PHYHD1: variants seen among roughly 807,000 people sequenced by gnomAD.
The protein encoded by PHYHD1 is phytanoyl-CoA dioxygenase domain containing 1, also known as phytanoyl-CoA dioxygenase domain-containing protein 1.
In PHYHD1, 42 loss-of-function variants were observed where a neutral mutation model predicts 43.6. That is an observed-to-expected ratio of 0.96 (90% CI 0.75 to 1.25). The LOEUF is 1.25. PHYHD1 is among the 50% of genes most tolerant of loss of function. The pLI, the probability that PHYHD1 is intolerant of heterozygous loss-of-function variation, is 0.00. For synonymous variants in PHYHD1, 139 were observed against 143.6 expected, an observed-to-expected ratio of 0.97 and a Z score of 0.23; for missense variants, 342 against 370.8, an observed-to-expected ratio of 0.92 and a Z score of 0.64.
intron 4 of PHYHD1, among the ~76,000 whole-genome samples, chr9:128,928,090 C>G (rs1841181910): frequency 6.6e-6 from 1 of 152,242 alleles, no homozygotes; most frequent in Non-Finnish European, 1.5e-5. Flanking sequence ...CTGGCACTCA[C>G]GCCGAGGAGC....
rs567364442 is a variant in PHYHD1 at position 128,938,712 on chromosome 9, C to T, written c.457+934C>T. 2.3e-5 allele frequency among the ~76,000 whole-genome samples: 3 copies of T among 132,064 alleles called. No individual in the cohort carries two copies. The East Asian group carries it at 6.1e-4, about 27-fold the overall frequency. 86.6% of individuals were successfully genotyped at this position (132,064 alleles called of 152,430 possible). On this transcript the variant is annotated intron_variant, in intron 9 of 12. Transcript: ENST00000372592. ...TGCTGGGATTACAGGGATGAGCCAC[C>T]GCGCCCGGCCCTGGAATCTGTATTT...
chr9:128,939,348 G>A lies in PHYHD1; in HGVS notation c.458-1021G>A, dbSNP rs187584917. Among the ~76,000 whole-genome samples, 152 of 127,812 alleles carry A rather than the reference G, an allele frequency of 1.2e-3. 25 individuals carry two copies. The East Asian group carries it at 0.016, about 14-fold the overall frequency. The allele number at this position is 127,812 out of a possible 152,430, so 83.8% of individuals were successfully genotyped here. A position where few individuals can be genotyped will look rare whatever the true frequency, so the allele number is the denominator to read the frequency against. On this transcript the variant is annotated intron_variant, in intron 9 of 12. Transcript: ENST00000372592. ...TAATCCCAGCACTTTGGGAGGCCGAGGGGGTAGATCACCTAAGGTCAGGAG... is the reference window on the plus strand; with the variant it reads ...TAATCCCAGCACTTTGGGAGGCCGAAGGGGTAGATCACCTAAGGTCAGGAG...
In PHYHD1 at chr9:128,940,416, C is replaced by T. The variant is rs369475413; in HGVS notation, c.505C>T (p.Arg169Trp). The change falls in exon 10 of 13, where the codon CGG becomes TGG. Residue 169 changes from arginine to tryptophan, a missense_variant. Coordinates refer to ENST00000372592, the MANE Select transcript of PHYHD1 (RefSeq NM_001100876.2). Reference protein sequence around the residue: ...ASFLYTEPLGRVLGVWIAVED... With the variant: ...ASFLYTEPLGWVLGVWIAVED... ...CTTCCTGTACACGGAGCCCCTGGGC[C>T]GGGTGCTGGGCGTGTGGATCGCAGT... is the stretch of plus-strand genomic sequence containing the variant. 81 of 1,614,054 alleles carry T rather than the reference C, an allele frequency of 5.0e-5. No homozygotes were observed. Among genetic ancestry groups the T allele is most frequent in the African/African-American group, 2.8e-4 (21 of 74,914 alleles).
At chr9:128,929,171 A>T (rs930787325) in intron 4 of PHYHD1, among the ~76,000 whole-genome samples, 25 of 152,182 alleles carry the variant, frequency 1.6e-4, no homozygotes, top group Admixed American at 8.5e-4. Flanking sequence ...CTACAAAAAA[A>T]TTTTTTTAAA....
intron 9 of PHYHD1, among the ~76,000 whole-genome samples, chr9:128,939,922 T>A (rs1841514994): frequency 6.6e-6 from 1 of 151,932 alleles, no homozygotes. Flanking sequence ...CCCAAAGTGC[T>A]GAGATTATAG....
In PHYHD1 at chr9:128,941,809, G is replaced by GACC; in HGVS notation, c.*96_*97insACC. The stretch of plus-strand genomic sequence containing the variant: ...TCAGCCTCCTGGTTGCAACAGGGAG[G>GACC]TCTTGTCTCCCCTCCTGGGCTTTCC... On this transcript the variant is annotated 3_prime_UTR_variant, in exon 13 of 13. Transcript: ENST00000372592. The GACC allele has an allele frequency of 6.5e-7, 1 of 1,541,766 alleles. No homozygotes were observed. Among genetic ancestry groups the GACC allele is most frequent in the Non-Finnish European group, 8.9e-7 (1 of 1,119,048 alleles).
rs1322774831 is a variant in PHYHD1, at chr9:128,939,836, G to C, written c.458-533G>C. 2.3e-5 allele frequency among the ~76,000 whole-genome samples: 3 copies of C among 133,244 alleles called. 1 individual carries two copies. The highest frequency in any genetic ancestry group is 1.7e-4 in the Admixed American group (2 of 12,056). The allele number at this position is 133,244 out of a possible 152,430, so 87.4% of individuals were successfully genotyped here. A position where few individuals can be genotyped will look rare whatever the true frequency, so the allele number is the denominator to read the frequency against. ...CACATGGCTAATTTTTGTGTTTTTAGTAGAGACAGGGTTTCACCATGTTGG... is the reference window on the plus strand; with the variant it reads ...CACATGGCTAATTTTTGTGTTTTTACTAGAGACAGGGTTTCACCATGTTGG... On this transcript the variant is annotated intron_variant, in intron 9 of 12. Transcript: ENST00000372592.
intron 6 of PHYHD1, among the ~76,000 whole-genome samples, chr9:128,934,716 C>T (rs578118373): frequency 1.7e-4 from 26 of 150,738 alleles, no homozygotes; most frequent in African/African-American, 3.7e-4. Context: ...TGCAGTGAGC[C>T]GATATCATGC....
chr9:128,927,332 G>A (rs986893559), intron 4 of PHYHD1, 136 bp downstream of exon 4: 10 of 998,366 alleles, frequency 1.0e-5, no homozygotes, highest in South Asian at 6.1e-5. Context: ...CCTTTCCCTC[G>A]CTCCTCACTG....
intron 6 of PHYHD1, 31 bp from the exon 7 acceptor site, chr9:128,936,417 A>C: frequency 6.3e-7 from 1 of 1,597,002 alleles, no homozygotes; most frequent in Non-Finnish European, 8.5e-7. Flanking sequence ...TGGGCCTGAG[A>C]TGGGGCCGAC....
At chr9:128,936,245 G>A (rs1318135692) in intron 6 of PHYHD1, among the ~76,000 whole-genome samples, 2 of 151,982 alleles carry the variant, frequency 1.3e-5, no homozygotes, top group African/African-American at 4.8e-5. Flanking sequence ...AGAAGGTCAA[G>A]AATAAGGGCA....
chr9:128,935,426 C>T (rs944365200), intron 6 of PHYHD1, among the ~76,000 whole-genome samples: 20 of 150,686 alleles, frequency 1.3e-4, no homozygotes, highest in Admixed American at 4.0e-4. Context: ...AGATCGAGAC[C>T]ATCCTGGCTA....
intron 3 of PHYHD1, among the ~76,000 whole-genome samples, chr9:128,924,626 A>AAAG (rs1362982482): frequency 2.0e-5 from 3 of 151,122 alleles, no homozygotes; most frequent in Admixed American, 6.6e-5. Context: ...AAAAAAAAAA[A>AAAG]AAGAAGAAGG....
chr9:128,934,582 A>C (rs1841379057), intron 6 of PHYHD1, among the ~76,000 whole-genome samples: 1 of 151,928 alleles, frequency 6.6e-6, no homozygotes, highest in African/African-American at 2.4e-5. Flanking sequence ...CAGCCTGACC[A>C]ATGTGGAGAA....
rs779787024 is a variant in PHYHD1, at chr9:128,940,464, G to A, written c.553G>A (p.Gly185Ser). The A allele has an allele frequency of 8.1e-6, 13 of 1,614,030 alleles. No homozygotes were observed. The highest frequency in any genetic ancestry group is 1.6e-4 in the Middle Eastern group (1 of 6,082). ...AGTGGAGGATGCCACGCTGGAGAAC[G>A]GCTGTCTCTGGTTCATCCCTGGCTC... Reference protein sequence around the residue: ...IAVEDATLENGCLWFIPGSHT... With the variant: ...IAVEDATLENSCLWFIPGSHT... The change falls in exon 10 of 13, where the codon GGC (glycine) becomes AGC (serine). Residue 185 changes from glycine (G) to serine (S), a missense_variant. Transcript: ENST00000372592.
intron 6 of PHYHD1, among the ~76,000 whole-genome samples, chr9:128,935,535 G>A (rs956034987): frequency 6.9e-6 from 1 of 144,334 alleles, no homozygotes; most frequent in Non-Finnish European, 1.5e-5. Context: ...CTCCAGCCTG[G>A]GCAACAGAGC....
At chr9:128,932,163 A>ATTTTTTTTTT (rs1564540363) in intron 4 of PHYHD1, among the ~76,000 whole-genome samples, 1 of 125,348 alleles carries the variant, frequency 8.0e-6, no homozygotes, top group African/African-American at 3.4e-5. Flanking sequence ...TATTATTATT[A>ATTTTTTTTTT]TTATTGTTAT....
chr9:128,923,693 C>T (rs1290355064), intron 3 of PHYHD1, among the ~76,000 whole-genome samples: 4 of 152,138 alleles, frequency 2.6e-5, no homozygotes, highest in Non-Finnish European at 5.9e-5. Context: ...GCGTAATCCT[C>T]CTAAAACAAT....
At chr9:128,932,166 A>ATTATT (rs1564540372) in intron 4 of PHYHD1, among the ~76,000 whole-genome samples, 118 of 122,656 alleles carry the variant, frequency 9.6e-4, no homozygotes, top group African/African-American at 3.8e-3. Context: ...TATTATTATT[A>ATTATT]TTGTTATTAT....
Sources: allele counts gnomAD v4.1 joint callset (sites outside exome capture counted in the v4.1 genomes callset), GRCh38; gene constraint gnomAD v4.1.1; transcripts MANE v1.5; gene names NCBI Gene and HGNC (gene_info 2026-07-23, HGNC 2026-07-21).